EBF1: variants seen among roughly 807,000 people sequenced by gnomAD.
EBF1 encodes the protein EBF transcription factor 1.
EBF1 carries 10 observed loss-of-function variants against 68.4 expected under a neutral mutation model. The ratio of observed to expected loss-of-function variants is 0.15; its 90% CI spans 0.09 to 0.25. EBF1 has a LOEUF of 0.25. Ranked by LOEUF, EBF1 falls within the 10% of genes least tolerant of loss-of-function variation. The pLI is 1.00. For synonymous variants in EBF1, 298 were observed against 299.8 expected (o/e 0.99, Z 0.06); for missense variants, 509 against 794.4 (o/e 0.64, Z 4.32).
At chr5:158,704,919 C>T (rs910154185) in intron 15 of EBF1, among the ~76,000 whole-genome samples, 9 of 152,206 alleles carry the variant, frequency 5.9e-5, no homozygotes, top group African/African-American at 1.9e-4. Context: ...TTTCTCCATC[C>T]GTATGTCCAT....
chr5:158,964,644 A>C (rs2127543054), intron 6 of EBF1, among the ~76,000 whole-genome samples: 1 of 151,486 alleles, frequency 6.6e-6, no homozygotes, highest in South Asian at 2.1e-4. Flanking sequence ...AATCCCAGAA[A>C]TATTATATGA....
chr5:158,733,469 T>C (rs976760774), intron 10 of EBF1, among the ~76,000 whole-genome samples: 1 of 152,116 alleles, frequency 6.6e-6, no homozygotes, highest in South Asian at 2.1e-4. Flanking sequence ...TCCGGCTATA[T>C]GGCCAGCTCA....
chr5:158,726,354 G>A (rs150687087), intron 11 of EBF1, among the ~76,000 whole-genome samples: 52 of 152,200 alleles, frequency 3.4e-4, no homozygotes, highest in East Asian at 3.3e-3. Context: ...AGTTAGACAC[G>A]GTGAGCTAAA....
chr5:159,062,699 T>C (rs1209013530), intron 6 of EBF1, among the ~76,000 whole-genome samples: 1 of 152,202 alleles, frequency 6.6e-6, no homozygotes, highest in African/African-American at 2.4e-5. Context: ...AATCAAGCCT[T>C]CTCCCAAACT....
At chr5:158,737,672 C>T (rs1205059075) in intron 10 of EBF1, among the ~76,000 whole-genome samples, 1 of 152,092 alleles carries the variant, frequency 6.6e-6, no homozygotes, top group Non-Finnish European at 1.5e-5. Context: ...AGCAAGGCCT[C>T]TCTACCACAG....
intron 6 of EBF1, among the ~76,000 whole-genome samples, chr5:159,053,132 A>G (rs1336190126): frequency 2.0e-5 from 3 of 151,924 alleles, no homozygotes; most frequent in African/African-American, 7.3e-5. Context: ...TATGATTAAA[A>G]CCCTGATCTT....
chr5:158,959,855 C>T (rs1279742339), intron 6 of EBF1, among the ~76,000 whole-genome samples: 5 of 152,114 alleles, frequency 3.3e-5, no homozygotes, highest in African/African-American at 1.2e-4. Context: ...AATTAAAACA[C>T]ATTATACAGC....
chr5:158,969,984 AC>A (rs1472466489), intron 6 of EBF1, among the ~76,000 whole-genome samples: 1 of 151,546 alleles, frequency 6.6e-6, no homozygotes, highest in Non-Finnish European at 1.5e-5. Context: ...TTGGAAACAC[AC>A]CCCAAACAAA....
chr5:158,993,729 C>T (rs1760837125), intron 6 of EBF1, among the ~76,000 whole-genome samples: 1 of 152,176 alleles, frequency 6.6e-6, no homozygotes, highest in African/African-American at 2.4e-5. Context: ...ATTATCACTG[C>T]CAATCTCTCT....
intron 6 of EBF1, among the ~76,000 whole-genome samples, chr5:158,865,139 C>T (rs893484916): frequency 6.6e-6 from 1 of 152,154 alleles, no homozygotes; most frequent in African/African-American, 2.4e-5. Flanking sequence ...CCAGGATAAA[C>T]CTATTTTAGT....
At chr5:158,861,361 G>T (rs772319515) in intron 6 of EBF1, among the ~76,000 whole-genome samples, 1 of 152,206 alleles carries the variant, frequency 6.6e-6, no homozygotes, top group East Asian at 1.9e-4. Context: ...GAGACTTGCT[G>T]ATCAGCAATG....
intron 10 of EBF1, among the ~76,000 whole-genome samples, chr5:158,744,107 G>T (rs907559920): frequency 2.0e-5 from 3 of 151,842 alleles, no homozygotes; most frequent in African/African-American, 4.8e-5. Context: ...GGAGGTGGAG[G>T]TTGCAGTGAG....
chr5:159,059,664 A>C (rs1157118204), intron 6 of EBF1, among the ~76,000 whole-genome samples: 1 of 152,256 alleles, frequency 6.6e-6, no homozygotes, highest in African/African-American at 2.4e-5. Flanking sequence ...ATTATTTAAA[A>C]GGCAGTTTAT....
At chr5:159,035,486 T>C (rs1286364245) in intron 6 of EBF1, among the ~76,000 whole-genome samples, 1 of 152,162 alleles carries the variant, frequency 6.6e-6, no homozygotes, top group Non-Finnish European at 1.5e-5. Flanking sequence ...TGAAGGATCT[T>C]GGACCATATT....
intron 6 of EBF1, among the ~76,000 whole-genome samples, chr5:159,057,939 T>A (rs900290764): frequency 3.3e-5 from 5 of 152,220 alleles, no homozygotes; most frequent in Non-Finnish European, 7.3e-5. Flanking sequence ...GCTGAACCCA[T>A]GTGAGATCTT....
rs553529548 is a variant in EBF1 at position 158,707,701 on chromosome 5, A to C, written c.1744+278T>G. 5.7e-5 allele frequency: 25 copies of C among 440,298 alleles called. No homozygotes were observed. The East Asian group carries it at 7.9e-4, about 14-fold the overall frequency. 27.3% of individuals were successfully genotyped at this position (440,298 alleles called of 1,614,324 possible). ...AGAAATGATGCTGTTAGTCAGTAGA[A>C]ACAGTATTCCCAAGCAAATCCCGGG... is the stretch of plus-strand genomic sequence containing the variant. On this transcript the variant is annotated intron_variant, in intron 15 of 15. Coordinates refer to ENST00000313708, the MANE Select transcript of EBF1 (RefSeq NM_024007.5).
chr5:158,835,097 CTAAAAAG>C (rs1396643996), intron 7 of EBF1, among the ~76,000 whole-genome samples: 1 of 152,144 alleles, frequency 6.6e-6, no homozygotes, highest in African/African-American at 2.4e-5. Context: ...GAGAAAAATG[CTAAAAAG>C]TATAGGTCTT....
intron 6 of EBF1, among the ~76,000 whole-genome samples, chr5:158,995,724 C>G (rs1486998857): frequency 2.0e-5 from 3 of 152,176 alleles, no homozygotes; most frequent in South Asian, 2.1e-4. Flanking sequence ...AACCCAGCAC[C>G]CTGCCTGGCA....
chr5:159,077,087 T>C (rs1281140143), intron 5 of EBF1, among the ~76,000 whole-genome samples: 2 of 152,110 alleles, frequency 1.3e-5, no homozygotes, highest in Non-Finnish European at 2.9e-5. Context: ...TTTTTACAAG[T>C]ATGGTTCACT....
Sources: allele counts gnomAD v4.1 joint callset (sites outside exome capture counted in the v4.1 genomes callset), GRCh38; gene constraint gnomAD v4.1.1; transcripts MANE v1.5; gene names NCBI Gene and HGNC (gene_info 2026-07-23, HGNC 2026-07-21).